Variants in AKT3 observed in about 807,000 individuals in gnomAD.
AKT3 encodes RAC-gamma serine/threonine-protein kinase.
AKT3 carries 15 observed loss-of-function variants against 65.3 expected under a neutral mutation model. The observed-to-expected ratio is 0.23, with a 90% confidence interval of 0.15 to 0.35. The LOEUF (loss-of-function observed/expected upper bound fraction) is 0.35, where lower values mean the gene tolerates loss of function less well. Ranked by LOEUF, AKT3 falls within the 10% of genes least tolerant of loss-of-function variation. The pLI is 1.00. For missense variants in AKT3, 243 were observed against 576.5 expected, an observed-to-expected ratio of 0.42 and a Z score of 5.92; for synonymous variants, 206 against 183.8, an observed-to-expected ratio of 1.12 and a Z score of -0.98.
At chr1:243,537,724 C>T in intron 12 of AKT3, among the ~76,000 whole-genome samples, 1 of 152,168 alleles carries the variant, frequency 6.6e-6, no homozygotes, top group East Asian at 1.9e-4. Flanking sequence ...AGCAAACATA[C>T]GAGGTCGACT....
chr1:243,519,371 T>C (rs1448935708), intron 12 of AKT3, among the ~76,000 whole-genome samples: 2 of 152,208 alleles, frequency 1.3e-5, no homozygotes, highest in East Asian at 1.9e-4. Context: ...AAGCATTTCT[T>C]TGAAGAATTG....
intron 3 of AKT3, among the ~76,000 whole-genome samples, chr1:243,691,402 G>C (rs1684682196): frequency 1.3e-5 from 2 of 152,190 alleles, no homozygotes. Context: ...GAATGGCATA[G>C]TTATGATATA....
intron 9 of AKT3, among the ~76,000 whole-genome samples, chr1:243,572,205 C>A (rs1280989820): frequency 6.6e-6 from 1 of 152,160 alleles, no homozygotes; most frequent in Non-Finnish European, 1.5e-5. Flanking sequence ...AAATGACAAC[C>A]TGTGGACTAA....
At chr1:243,617,396 T>C (rs1471607115) in intron 6 of AKT3, among the ~76,000 whole-genome samples, 1 of 151,912 alleles carries the variant, frequency 6.6e-6, no homozygotes, top group Non-Finnish European at 1.5e-5. Context: ...TGTGATATAC[T>C]GAACCAAGTC....
chr1:243,559,674 G>T (rs1383506063), intron 10 of AKT3, among the ~76,000 whole-genome samples: 1 of 152,054 alleles, frequency 6.6e-6, no homozygotes, highest in Admixed American at 6.6e-5. Context: ...CAACGTAAAA[G>T]GCGAAGGAAC....
chr1:243,701,337 T>C (rs924425217), intron 2 of AKT3, among the ~76,000 whole-genome samples: 2 of 152,202 alleles, frequency 1.3e-5, no homozygotes, highest in African/African-American at 4.8e-5. Flanking sequence ...TAAGGCTACA[T>C]TGTGTTCCAG....
intron 6 of AKT3, among the ~76,000 whole-genome samples, chr1:243,618,688 A>G (rs544153413): frequency 3.3e-4 from 51 of 152,280 alleles, no homozygotes; most frequent in African/African-American, 1.2e-3. Flanking sequence ...TTTCTTTCAT[A>G]GAAGAATTAG....
intron 2 of AKT3, among the ~76,000 whole-genome samples, chr1:243,733,678 T>C (rs1376423922): frequency 6.6e-6 from 1 of 152,218 alleles, no homozygotes; most frequent in East Asian, 1.9e-4. Flanking sequence ...ACAAGTTATA[T>C]GAAATTCTGG....
intron 6 of AKT3, among the ~76,000 whole-genome samples, chr1:243,628,966 C>A (rs940453360): frequency 1.3e-5 from 2 of 152,212 alleles, no homozygotes; most frequent in African/African-American, 4.8e-5. Flanking sequence ...GGCTGACAGG[C>A]AGTGAAAAAC....
chr1:243,590,928 G>T (rs1198008516), intron 8 of AKT3, among the ~76,000 whole-genome samples: 2 of 152,160 alleles, frequency 1.3e-5, no homozygotes, highest in Non-Finnish European at 2.9e-5. Flanking sequence ...AATGAATAAG[G>T]TGATAGTTAT....
intron 2 of AKT3, among the ~76,000 whole-genome samples, chr1:243,813,313 T>C (rs890744115): frequency 6.6e-6 from 1 of 152,042 alleles, no homozygotes; most frequent in Non-Finnish European, 1.5e-5. Flanking sequence ...CTGGACAAAT[T>C]CAGAATGTGG....
intron 2 of AKT3, among the ~76,000 whole-genome samples, chr1:243,771,687 A>C (rs193233420): frequency 3.3e-5 from 5 of 152,210 alleles, no homozygotes; most frequent in Admixed American, 3.3e-4. Context: ...TTAGCTAAAA[A>C]TACCACAAAA....
At chr1:243,703,655 G>A (rs1049359818) in intron 2 of AKT3, among the ~76,000 whole-genome samples, 2 of 151,214 alleles carry the variant, frequency 1.3e-5, no homozygotes, top group East Asian at 3.9e-4. Context: ...AGCTACTCGG[G>A]AGGCTGAGGC....
At chr1:243,543,336 T>A (rs546634449) in intron 12 of AKT3, among the ~76,000 whole-genome samples, 1 of 152,132 alleles carries the variant, frequency 6.6e-6, no homozygotes, top group East Asian at 1.9e-4. Context: ...TAAGGAAACG[T>A]TGTAGCAAAT....
At position 243,502,412 on chromosome 1, in the gene AKT3, C is replaced by G. The variant is rs1179170545; in HGVS notation, c.*2837G>C. On this transcript the variant is annotated 3_prime_UTR_variant, in exon 14 of 14. Coordinates refer to ENST00000673466, the MANE Select transcript of AKT3 (RefSeq NM_005465.7). ...CAAAGCTGAGCGCGACCCTGCCAAC[C>G]ATCTAAGCAGAAATGGCCAATTTCC... 8.6e-6 allele frequency: 2 copies of G among 233,064 alleles called. No individual in the cohort carries two copies. Among genetic ancestry groups the G allele is most frequent in the African/African-American group, 4.4e-5 (2 of 45,346 alleles). The allele number at this position is 233,064 out of a possible 1,614,324, so 14.4% of individuals were successfully genotyped here. A position where few individuals can be genotyped will look rare whatever the true frequency, so the allele number is the denominator to read the frequency against.
At chr1:243,813,659 C>T (rs1195542934) in intron 2 of AKT3, among the ~76,000 whole-genome samples, 1 of 152,010 alleles carries the variant, frequency 6.6e-6, no homozygotes, top group African/African-American at 2.4e-5. Flanking sequence ...TATGGACTAC[C>T]ATATTAGGCA....
In AKT3 at chr1:243,654,968, T is replaced by A. The variant is rs1681650611; in HGVS notation, c.285-8931A>T. On this transcript the variant is annotated intron_variant, in intron 4 of 13. Coordinates refer to ENST00000673466, the MANE Select transcript of AKT3 (RefSeq NM_005465.7). ...GGACTTTTGAAACTATGGTTTGGTATCTTTAACTATTTTTTAAAAAATTTC... is the reference window on the plus strand; with the variant it reads ...GGACTTTTGAAACTATGGTTTGGTAACTTTAACTATTTTTTAAAAAATTTC... 4.6e-5 allele frequency among the ~76,000 whole-genome samples: 7 copies of A among 152,256 alleles called. No homozygotes were observed. The South Asian group carries it at 1.5e-3, about 32-fold the overall frequency.
intron 1 of AKT3, among the ~76,000 whole-genome samples, chr1:243,846,635 G>C (rs1458072984): frequency 6.6e-6 from 1 of 152,082 alleles, no homozygotes; most frequent in Non-Finnish European, 1.5e-5. Context: ...GTAAACATTT[G>C]AGTTATTTAA....
At chr1:243,832,254 C>A (rs777043515) in intron 2 of AKT3, among the ~76,000 whole-genome samples, 1 of 149,152 alleles carries the variant, frequency 6.7e-6, no homozygotes, top group Non-Finnish European at 1.5e-5. Flanking sequence ...GATTCAAACT[C>A]GGTTTAAACT....
Sources: gnomAD v4.1 joint callset for allele counts (sites outside exome capture counted in the v4.1 genomes callset) on GRCh38, gnomAD v4.1.1 for gene constraint, MANE v1.5 for transcripts, NCBI Gene and HGNC (gene_info 2026-07-23, HGNC 2026-07-21) for gene names.